The following EFL1 variants were observed in gnomAD, a reference collection of about 807,000 sequenced individuals.
The protein encoded by EFL1 is elongation factor like GTPase 1.
A neutral mutation model predicts 126.7 loss-of-function variants in EFL1; 76 were observed. That is an observed-to-expected ratio of 0.60 (90% CI 0.50 to 0.73). EFL1 has a LOEUF of 0.73. EFL1 is among the 30% of genes least tolerant of loss of function. The probability of loss-of-function intolerance (pLI) is 0.00; values close to 1 mark genes in which losing one functional copy is unlikely to be tolerated. For synonymous variants in EFL1, 410 were observed against 448.4 expected (o/e 0.91, Z 1.08); for missense variants, 1,128 against 1,343.2 (o/e 0.84, Z 2.50).
chr15:82,152,525 G>A, intron 17 of EFL1, 102 bp from the exon 18 acceptor site: 3 of 1,012,148 alleles, frequency 3.0e-6, no homozygotes, highest in African/African-American at 1.6e-5. Flanking sequence ...TAAAAACATA[G>A]GAACATAAAA....
chr15:82,255,657 C>T (rs754759668), intron 3 of EFL1, among the ~76,000 whole-genome samples: 23 of 152,220 alleles, frequency 1.5e-4, no homozygotes, highest in Non-Finnish European at 2.6e-4. Flanking sequence ...CTTAACTGTG[C>T]AATTTGTGTG....
intron 15 of EFL1, among the ~76,000 whole-genome samples, chr15:82,190,862 T>G (rs1265471308): frequency 3.9e-5 from 6 of 152,178 alleles, no homozygotes; most frequent in Non-Finnish European, 1.5e-5. Context: ...TACGTATGTA[T>G]GCAAATTAAC....
At chr15:82,168,244 A>G (rs2074098989) in intron 15 of EFL1, among the ~76,000 whole-genome samples, 1 of 152,220 alleles carries the variant, frequency 6.6e-6, no homozygotes. Flanking sequence ...ACTACAAAGA[A>G]TAACAGGGAA....
At chr15:82,164,046 A>G (rs2141242826) in intron 15 of EFL1, 62 bp from the exon 16 acceptor site, 1 of 1,591,746 alleles carries the variant, frequency 6.3e-7, no homozygotes, top group East Asian at 2.2e-5. Context: ...TTATGTCAGA[A>G]AAACAGCAGC....
chr15:82,181,090 A>T (rs1267836619), intron 15 of EFL1, among the ~76,000 whole-genome samples: 1 of 152,132 alleles, frequency 6.6e-6, no homozygotes, highest in African/African-American at 2.4e-5. Flanking sequence ...AAAGTCTTTC[A>T]TAAAAAATAT....
intron 15 of EFL1, among the ~76,000 whole-genome samples, chr15:82,210,140 T>C (rs1032172551): frequency 3.1e-4 from 47 of 152,266 alleles, no homozygotes; most frequent in Admixed American, 2.0e-4. Flanking sequence ...ATATGTGTCC[T>C]GTCATGAGTC....
At chr15:82,158,267 T>C (rs1202197666) in intron 16 of EFL1, among the ~76,000 whole-genome samples, 1 of 152,230 alleles carries the variant, frequency 6.6e-6, no homozygotes, top group African/African-American at 2.4e-5. Context: ...TAATGTGATA[T>C]TCAAGAAACT....
At chr15:82,255,513 T>C (rs1045140114) in intron 3 of EFL1, among the ~76,000 whole-genome samples, 1 of 152,224 alleles carries the variant, frequency 6.6e-6, no homozygotes, top group Admixed American at 6.5e-5. Flanking sequence ...TTTTAAGTAG[T>C]TTATTAACCT....
At position 82,262,626 on chromosome 15, in the gene EFL1, C is replaced by A; in HGVS notation, c.-32G>T. The stretch of plus-strand genomic sequence containing the variant: ...AGCCCACACTCACCGGCTGCAGCAG[C>A]CCCACCAGCCCCGCTCCTTCTCTCG... On this transcript the variant is annotated 5_prime_UTR_variant, in exon 1 of 20. Coordinates refer to ENST00000268206, the MANE Select transcript of EFL1 (RefSeq NM_024580.6). 9.3e-6 allele frequency: 4 copies of A among 431,624 alleles called. No homozygotes were observed. The Admixed American group carries it at 1.7e-4, about 18-fold the overall frequency. The allele number at this position is 431,624 out of a possible 1,614,324, so 26.7% of individuals were successfully genotyped here.
intron 15 of EFL1, among the ~76,000 whole-genome samples, chr15:82,184,927 G>A (rs1278591764): frequency 6.6e-6 from 1 of 152,214 alleles, no homozygotes; most frequent in South Asian, 2.1e-4. Context: ...TTAGAGTAGT[G>A]TGAATAGTAA....
intron 15 of EFL1, among the ~76,000 whole-genome samples, chr15:82,179,107 G>A (rs548604798): frequency 9.9e-5 from 15 of 152,228 alleles, no homozygotes; most frequent in Non-Finnish European, 1.5e-4. Context: ...TCGTGCCACC[G>A]CAATCTAGCC....
At chr15:82,146,673 GTAGT>G (rs2073849868) in intron 18 of EFL1, among the ~76,000 whole-genome samples, 1 of 151,056 alleles carries the variant, frequency 6.6e-6, no homozygotes, top group Admixed American at 6.6e-5. Context: ...AGTGGATGTG[GTAGT>G]TGGTTGGTCT....
intron 15 of EFL1, among the ~76,000 whole-genome samples, chr15:82,185,985 T>C (rs1165797046): frequency 6.6e-6 from 1 of 152,258 alleles, no homozygotes; most frequent in Non-Finnish European, 1.5e-5. Flanking sequence ...CTCATCTTTT[T>C]AAATACATCT....
chr15:82,135,838 A>G (rs1036743695), intron 19 of EFL1, among the ~76,000 whole-genome samples: 2 of 152,166 alleles, frequency 1.3e-5, no homozygotes, highest in Non-Finnish European at 2.9e-5. Context: ...ATTGGCCGGA[A>G]TGCAGATGTG....
intron 10 of EFL1, among the ~76,000 whole-genome samples, chr15:82,227,900 C>T (rs2074781292): frequency 6.6e-6 from 1 of 152,178 alleles, no homozygotes; most frequent in Admixed American, 6.5e-5. Context: ...AAATCATCTA[C>T]TTATATTTGA....
intron 7 of EFL1, among the ~76,000 whole-genome samples, chr15:82,234,731 C>G (rs1438886922): frequency 6.6e-6 from 1 of 152,108 alleles, no homozygotes; most frequent in African/African-American, 2.4e-5. Context: ...CTAAGTCATA[C>G]TGATATAAAT....
intron 16 of EFL1, among the ~76,000 whole-genome samples, chr15:82,159,015 G>A (rs1277212145): frequency 6.6e-6 from 1 of 152,224 alleles, no homozygotes. Flanking sequence ...GCGGATGGAT[G>A]TCAGCACACT....
At chr15:82,219,356 T>C (rs1282705489) in intron 14 of EFL1, among the ~76,000 whole-genome samples, 1 of 152,246 alleles carries the variant, frequency 6.6e-6, no homozygotes, top group African/African-American at 2.4e-5. Flanking sequence ...GCATGACATC[T>C]GCTCTTATCA....
At chr15:82,225,423 T>C (rs1383585408) in intron 11 of EFL1, among the ~76,000 whole-genome samples, 159 bp from the exon 12 acceptor site, 3 of 152,010 alleles carry the variant, frequency 2.0e-5, no homozygotes, top group Admixed American at 2.0e-4. Flanking sequence ...AAATTTTAAT[T>C]AGAAAAGGGT....
Sources: allele counts gnomAD v4.1 joint callset (sites outside exome capture counted in the v4.1 genomes callset), GRCh38; gene constraint gnomAD v4.1.1; transcripts MANE v1.5; gene names NCBI Gene and HGNC (gene_info 2026-07-23, HGNC 2026-07-21).